MDGA2: variants seen among roughly 807,000 people sequenced by gnomAD.
The protein encoded by MDGA2 is MAM domain-containing glycosylphosphatidylinositol anchor protein 2.
In MDGA2, 40 loss-of-function variants were observed where a neutral mutation model predicts 117.8. That is an observed-to-expected ratio of 0.34 (90% CI 0.26 to 0.44). The LOEUF is 0.44. Among genes scored for constraint, MDGA2 ranks in the 20% least tolerant of loss-of-function variants. MDGA2 has a pLI of 1.00. For missense variants in MDGA2, 1,123 were observed against 1,250.6 expected, an observed-to-expected ratio of 0.90 and a Z score of 1.54; for synonymous variants, 452 against 439.0, an observed-to-expected ratio of 1.03 and a Z score of -0.37.
intron 1 of MDGA2, among the ~76,000 whole-genome samples, chr14:47,562,682 C>T (rs59457880): frequency 0.11 from 16,220 of 152,134 alleles, 990 homozygotes; most frequent in Middle Eastern, 0.15. Context: ...AAAGCAAAGT[C>T]CTGAATTTGT....
chr14:47,028,025 A>G (rs774775030), intron 8 of MDGA2, among the ~76,000 whole-genome samples: 2 of 152,112 alleles, frequency 1.3e-5, no homozygotes, highest in South Asian at 2.1e-4. Context: ...CTTTTTTAAG[A>G]TAAGATCTTA....
intron 1 of MDGA2, among the ~76,000 whole-genome samples, chr14:47,333,044 T>A (rs1890337447): frequency 6.6e-6 from 1 of 152,058 alleles, no homozygotes; most frequent in South Asian, 2.1e-4. Flanking sequence ...TATCCAGTCA[T>A]CTGTTGATGG....
chr14:47,450,037 G>A (rs1334963744), intron 1 of MDGA2, among the ~76,000 whole-genome samples: 1 of 151,870 alleles, frequency 6.6e-6, no homozygotes, highest in African/African-American at 2.4e-5. Flanking sequence ...TATTGTGCAC[G>A]ATGTTTTCTA....
At chr14:47,291,060 A>G (rs961020861) in intron 2 of MDGA2, among the ~76,000 whole-genome samples, 6 of 151,680 alleles carry the variant, frequency 4.0e-5, no homozygotes, top group South Asian at 2.1e-4. Context: ...TCTCTTCTCA[A>G]ACTTACTGAA....
chr14:46,945,583 TAC>T (rs1885144347), intron 9 of MDGA2, among the ~76,000 whole-genome samples: 1 of 152,040 alleles, frequency 6.6e-6, no homozygotes, highest in Non-Finnish European at 1.5e-5. Flanking sequence ...TTTTTTACTA[TAC>T]AGTATTTTGT....
chr14:46,910,129 C>T (rs1046614710), intron 10 of MDGA2, among the ~76,000 whole-genome samples: 4 of 151,722 alleles, frequency 2.6e-5, no homozygotes, highest in African/African-American at 9.7e-5. Context: ...AGAAATGAGA[C>T]AAATATTTAT....
At chr14:47,234,256 T>A (rs1354431599) in intron 2 of MDGA2, among the ~76,000 whole-genome samples, 5 of 150,550 alleles carry the variant, frequency 3.3e-5, no homozygotes, top group Non-Finnish European at 7.4e-5. Flanking sequence ...ATATATTATA[T>A]AAATGCATAT....
Position 47,061,488 on chromosome 14 carries a change from T to C in MDGA2, c.1286A>G (p.Gln429Arg). 1 of 1,613,492 alleles carries C rather than the reference T, an allele frequency of 6.2e-7. No individual in the cohort carries two copies. The highest frequency in any genetic ancestry group is 8.5e-7 in the Non-Finnish European group (1 of 1,179,582). Residue 429 changes from glutamine to arginine, a missense_variant, in exon 7 of 17, where the codon CAA (glutamine) becomes CGA (arginine). By Grantham distance (43) the Gln-to-Arg change is conservative (BLOSUM62 1). This residue lies in a region of MDGA2 where 890 missense variants were observed against 1,050.3 expected (regional missense o/e 0.85). Transcript: ENST00000399232. ...CTCCTCAGAAGGAACAGCTTCTACT[T>C]GGCAAGATATTTTCACCTCACGGCC... ...QIGREVKISCQVEAVPSEELT... is the reference protein window; with the variant it reads ...QIGREVKISCRVEAVPSEELT...
chr14:47,516,088 C>T (rs1894745382), intron 1 of MDGA2, among the ~76,000 whole-genome samples: 1 of 152,134 alleles, frequency 6.6e-6, no homozygotes, highest in Non-Finnish European at 1.5e-5. Flanking sequence ...TTCTTAGGCA[C>T]AAAGTCCATT....
Position 47,157,403 on chromosome 14 carries a change from T to C in MDGA2, c.596-13129A>G, listed in dbSNP as rs201909083. Among the ~76,000 whole-genome samples, 15 of 152,290 alleles carry C rather than the reference T, an allele frequency of 9.8e-5. No homozygotes were observed. In the East Asian group the frequency reaches 2.9e-3, roughly 29 times the overall value. Reference sequence around the variant, plus strand: ...GTTTTTTAAAATATATGCAACTACATGTTTTATATATCTTTGCTAATATTA... The same window carrying C: ...GTTTTTTAAAATATATGCAACTACACGTTTTATATATCTTTGCTAATATTA... On this transcript the variant is annotated intron_variant, in intron 3 of 16. Transcript: ENST00000399232.
intron 6 of MDGA2, among the ~76,000 whole-genome samples, chr14:47,066,431 T>C (rs543821926): frequency 2.0e-5 from 3 of 152,166 alleles, no homozygotes; most frequent in Non-Finnish European, 2.9e-5. Flanking sequence ...AAAGAACAGA[T>C]TTGATGTCCT....
At chr14:47,056,552 G>A (rs1386972785) in intron 7 of MDGA2, among the ~76,000 whole-genome samples, 1 of 152,094 alleles carries the variant, frequency 6.6e-6, no homozygotes, top group African/African-American at 2.4e-5. Flanking sequence ...TTGTCCACCA[G>A]ATGTCTCATC....
At chr14:46,951,655 A>G (rs1198410629) in intron 9 of MDGA2, among the ~76,000 whole-genome samples, 1 of 151,920 alleles carries the variant, frequency 6.6e-6, no homozygotes, top group Admixed American at 6.6e-5. Context: ...CAGGGCCTCT[A>G]TCATACAACA....
intron 3 of MDGA2, among the ~76,000 whole-genome samples, chr14:47,162,547 G>C (rs1300479700): frequency 6.6e-6 from 1 of 151,386 alleles, no homozygotes; most frequent in Non-Finnish European, 1.5e-5. Context: ...TTTCTCCTCG[G>C]ATTTCATATC....
intron 8 of MDGA2, among the ~76,000 whole-genome samples, chr14:46,962,468 A>G (rs1457570662): frequency 6.6e-6 from 1 of 152,144 alleles, no homozygotes; most frequent in Non-Finnish European, 1.5e-5. Context: ...GAAGTTCTGC[A>G]CCCCTTGCCC....
At chr14:47,488,612 A>G (rs1237064511) in intron 1 of MDGA2, among the ~76,000 whole-genome samples, 1 of 152,156 alleles carries the variant, frequency 6.6e-6, no homozygotes. Flanking sequence ...GAAACACCTC[A>G]TAAATGCAAA....
intron 2 of MDGA2, among the ~76,000 whole-genome samples, chr14:47,224,605 T>C (rs1220331836): frequency 6.6e-6 from 1 of 152,174 alleles, no homozygotes; most frequent in African/African-American, 2.4e-5. Context: ...AATGTGAGCA[T>C]TGTCCCAGCA....
chr14:46,860,995 A>C (rs1881484363), intron 14 of MDGA2, among the ~76,000 whole-genome samples: 1 of 151,350 alleles, frequency 6.6e-6, no homozygotes, highest in South Asian at 2.1e-4. Context: ...TCCTCTCTCC[A>C]TTTTCTTCCT....
At chr14:47,544,851 T>C (rs1376006119) in intron 1 of MDGA2, among the ~76,000 whole-genome samples, 3 of 152,296 alleles carry the variant, frequency 2.0e-5, no homozygotes, top group African/African-American at 4.8e-5. Flanking sequence ...AAATAGCTTA[T>C]TCCCAGAACC....
Sources: allele counts gnomAD v4.1 joint callset (sites outside exome capture counted in the v4.1 genomes callset), GRCh38; gene constraint gnomAD v4.1.1; regional missense constraint gnomAD v4.1.1; transcripts MANE v1.5; gene names NCBI Gene and HGNC (gene_info 2026-07-23, HGNC 2026-07-21).